Variants in LDLRAD3 observed in about 807,000 individuals in gnomAD.
The protein encoded by LDLRAD3 is low-density lipoprotein receptor class A domain-containing protein 3.
A neutral mutation model predicts 29.4 loss-of-function variants in LDLRAD3; 20 were observed. That is an observed-to-expected ratio of 0.68 (90% CI 0.48 to 0.99). The LOEUF is 0.99. Among genes scored for constraint, LDLRAD3 ranks in the 50% least tolerant of loss-of-function variants. The pLI, the probability that LDLRAD3 is intolerant of heterozygous loss-of-function variation, is 0.00. For synonymous variants in LDLRAD3, 157 were observed against 192.7 expected (o/e 0.81, Z 1.53); for missense variants, 420 against 454.3 (o/e 0.92, Z 0.69).
At chr11:36,167,547 C>T (rs1277451526) in intron 4 of LDLRAD3, among the ~76,000 whole-genome samples, 3 of 152,030 alleles carry the variant, frequency 2.0e-5, no homozygotes, top group African/African-American at 7.2e-5. Context: ...AGATTGAGAG[C>T]TAAACACAAT....
intron 1 of LDLRAD3, among the ~76,000 whole-genome samples, chr11:36,011,071 C>T (rs1851949508): frequency 6.6e-6 from 1 of 152,210 alleles, no homozygotes; most frequent in African/African-American, 2.4e-5. Flanking sequence ...TCCCAAAGTG[C>T]TGCAATTACA....
At chr11:36,211,572 C>G (rs1404615643) in intron 4 of LDLRAD3, among the ~76,000 whole-genome samples, 2 of 152,188 alleles carry the variant, frequency 1.3e-5, no homozygotes, top group Non-Finnish European at 2.9e-5. Context: ...GAAGCAGAAT[C>G]AGCAGGACCT....
At chr11:36,007,411 T>G (rs1851898881) in intron 1 of LDLRAD3, among the ~76,000 whole-genome samples, 2 of 152,178 alleles carry the variant, frequency 1.3e-5, no homozygotes, top group Non-Finnish European at 2.9e-5. Flanking sequence ...GACTCATCAC[T>G]TAAGTAAATT....
chr11:36,029,217 C>G (rs1345432462), intron 1 of LDLRAD3, among the ~76,000 whole-genome samples: 1 of 151,402 alleles, frequency 6.6e-6, no homozygotes, highest in East Asian at 1.9e-4. Flanking sequence ...TGTACTCCAG[C>G]CTGGCAACAG....
chr11:35,981,605 G>T (rs59418632), intron 1 of LDLRAD3, among the ~76,000 whole-genome samples: 4 of 152,074 alleles, frequency 2.6e-5, no homozygotes, highest in Non-Finnish European at 5.9e-5. Flanking sequence ...CATTTAGATG[G>T]TCCTGATGCT....
intron 2 of LDLRAD3, among the ~76,000 whole-genome samples, chr11:36,041,727 C>T (rs1028248179): frequency 2.6e-5 from 4 of 152,236 alleles, no homozygotes; most frequent in African/African-American, 4.8e-5. Flanking sequence ...GCTGTCTCTC[C>T]GTGTTCTAAC....
intron 4 of LDLRAD3, among the ~76,000 whole-genome samples, chr11:36,128,765 C>T (rs1351169274): frequency 6.6e-6 from 1 of 151,676 alleles, no homozygotes; most frequent in East Asian, 1.9e-4. Flanking sequence ...AGGAGAATCG[C>T]TTGAACCCAG....
At chr11:36,033,114 C>A (rs555974385) in intron 1 of LDLRAD3, among the ~76,000 whole-genome samples, 1 of 152,244 alleles carries the variant, frequency 6.6e-6, no homozygotes, top group Non-Finnish European at 1.5e-5. Flanking sequence ...CTCAAGTGAT[C>A]CACCCGCCTC....
intron 2 of LDLRAD3, among the ~76,000 whole-genome samples, chr11:36,081,156 G>A (rs1479735817): frequency 6.6e-6 from 1 of 152,158 alleles, no homozygotes; most frequent in East Asian, 1.9e-4. Context: ...AGCAGTTGCG[G>A]TTCTGTTTTG....
chr11:36,144,980 G>T (rs1401926256), intron 4 of LDLRAD3, among the ~76,000 whole-genome samples: 24 of 107,822 alleles, frequency 2.2e-4, no homozygotes, highest in Non-Finnish European at 4.1e-4. Context: ...GGAAGGAGGT[G>T]GGGGGGTCAG....
intron 4 of LDLRAD3, among the ~76,000 whole-genome samples, chr11:36,136,453 C>T (rs1175329815): frequency 1.3e-5 from 2 of 152,030 alleles, no homozygotes; most frequent in East Asian, 1.9e-4. Flanking sequence ...ATCATGGGGG[C>T]GGATCCTTCA....
At position 36,060,319 on chromosome 11, in the gene LDLRAD3, A is replaced by G. The variant is rs902216566; in HGVS notation, c.194-21334A>G. 6.8e-5 allele frequency among the ~76,000 whole-genome samples: 10 copies of G among 147,412 alleles called. No homozygotes were observed. The East Asian group carries it at 1.4e-3, about 21-fold the overall frequency. ...CAGTGAGCTGAGATTGCGCCACTGCACTCCAGCCTGGGCGACAGAGCAAGA... is the reference window on the plus strand; with the variant it reads ...CAGTGAGCTGAGATTGCGCCACTGCGCTCCAGCCTGGGCGACAGAGCAAGA... On this transcript the variant is annotated intron_variant, in intron 2 of 5. Transcript: ENST00000315571.
chr11:36,072,679 A>G (rs996550361), intron 2 of LDLRAD3, among the ~76,000 whole-genome samples: 2 of 152,238 alleles, frequency 1.3e-5, no homozygotes, highest in Non-Finnish European at 2.9e-5. Flanking sequence ...CTAAATAGCT[A>G]TGTGACTTTG....
chr11:36,156,706 C>G (rs757081364), intron 4 of LDLRAD3, among the ~76,000 whole-genome samples: 5 of 152,190 alleles, frequency 3.3e-5, no homozygotes, highest in African/African-American at 4.8e-5. Context: ...TCATGGCACC[C>G]ACCCAGCTGG....
intron 4 of LDLRAD3, among the ~76,000 whole-genome samples, chr11:36,160,856 G>A (rs1390802763): frequency 3.3e-5 from 5 of 150,872 alleles, no homozygotes; most frequent in East Asian, 2.2e-4. Context: ...GTGCAATGGC[G>A]CAATCTGGGC....
At chr11:36,219,830 T>TA (rs375216196) in intron 4 of LDLRAD3, among the ~76,000 whole-genome samples, 1 of 152,070 alleles carries the variant, frequency 6.6e-6, no homozygotes, top group Non-Finnish European at 1.5e-5. Flanking sequence ...TGACTAGTCT[T>TA]AAAAAAGAAA....
rs541120940 is a variant in LDLRAD3, at chr11:35,977,616, C to T, written c.46+33472C>T. ...ACAGGTAGGGAGAGGCCCAATGAGA[C>T]GCCCGTCTTAGGTCCTTTCAAGCTG... On this transcript the variant is annotated intron_variant, in intron 1 of 5. Coordinates refer to ENST00000315571, the MANE Select transcript of LDLRAD3 (RefSeq NM_174902.4). Among the ~76,000 whole-genome samples, 22 of 152,186 alleles carry T rather than the reference C, an allele frequency of 1.4e-4. 1 individual carries two copies. Among genetic ancestry groups the T allele is most frequent in the South Asian group, 4.1e-4 (2 of 4,820 alleles).
At chr11:36,119,572 C>T (rs1377590495) in intron 4 of LDLRAD3, among the ~76,000 whole-genome samples, 1 of 151,888 alleles carries the variant, frequency 6.6e-6, no homozygotes, top group Non-Finnish European at 1.5e-5. Flanking sequence ...TTTTGATTTG[C>T]ATTTTCCTAA....
chr11:36,086,802 G>A (rs1296684581), intron 3 of LDLRAD3, among the ~76,000 whole-genome samples: 7 of 152,178 alleles, frequency 4.6e-5, no homozygotes, highest in Non-Finnish European at 1.0e-4. Flanking sequence ...GCTACTGCAT[G>A]CATTCTCTTC....
Sources: allele counts gnomAD v4.1 joint callset (sites outside exome capture counted in the v4.1 genomes callset), GRCh38; gene constraint gnomAD v4.1.1; transcripts MANE v1.5; gene names NCBI Gene and HGNC (gene_info 2026-07-23, HGNC 2026-07-21).